NAALADL2: variants seen among roughly 807,000 people sequenced by gnomAD.
NAALADL2 encodes inactive N-acetylated-alpha-linked acidic dipeptidase-like protein 2.
A neutral mutation model predicts 87.2 loss-of-function variants in NAALADL2; 76 were observed. That is an observed-to-expected ratio of 0.87 (90% CI 0.72 to 1.05). NAALADL2 has a LOEUF of 1.05. Ranked by LOEUF, NAALADL2 falls within the 50% of genes least tolerant of loss-of-function variation. The pLI is 0.00. For missense variants in NAALADL2, 1,089 were observed against 945.8 expected (o/e 1.15, Z -1.99); for synonymous variants, 354 against 331.0 (o/e 1.07, Z -0.75).
At chr3:174,783,428 A>C (rs1716234625) in intron 3 of NAALADL2, among the ~76,000 whole-genome samples, 1 of 152,112 alleles carries the variant, frequency 6.6e-6, no homozygotes, top group South Asian at 2.1e-4. Context: ...GGGGTATTGC[A>C]CTTTGCACAG....
intron 2 of NAALADL2, among the ~76,000 whole-genome samples, chr3:175,184,259 A>G (rs1737011969): frequency 6.6e-6 from 1 of 152,096 alleles, no homozygotes; most frequent in African/African-American, 2.4e-5. Flanking sequence ...TCTCCTTTAG[A>G]GCCTCAGAAC....
intron 4 of NAALADL2, among the ~76,000 whole-genome samples, chr3:175,302,882 A>G (rs768907879): frequency 6.6e-6 from 1 of 151,692 alleles, no homozygotes; most frequent in African/African-American, 2.4e-5. Flanking sequence ...ATTTTTTCAT[A>G]AATATTTGTG....
At chr3:175,575,915 G>C in intron 9 of NAALADL2, 126 bp from the exon 10 acceptor site, 1 of 735,446 alleles carries the variant, frequency 1.4e-6, no homozygotes, top group Non-Finnish European at 2.2e-6. Context: ...CTAAGCATTT[G>C]CATTTTTAAC....
intron 8 of NAALADL2, among the ~76,000 whole-genome samples, chr3:175,469,660 C>G (rs1724586666): frequency 6.6e-6 from 1 of 151,928 alleles, no homozygotes; most frequent in Non-Finnish European, 1.5e-5. Context: ...TTGTCAGAGG[C>G]TATTGTGGAA....
intron 9 of NAALADL2, among the ~76,000 whole-genome samples, chr3:175,528,257 A>C (rs1733676195): frequency 6.6e-6 from 1 of 152,134 alleles, no homozygotes; most frequent in South Asian, 2.1e-4. Context: ...CAAACTGAAG[A>C]TCAAGGAAAG....
In NAALADL2 at chr3:175,810,511, A is replaced by G. The variant is rs1265144739; in HGVS notation, c.*7308A>G. 2.0e-5 allele frequency: 3 copies of G among 152,084 alleles called. No individual in the cohort carries two copies. The highest frequency in any genetic ancestry group is 2.0e-4 in the Admixed American group (3 of 15,230). 9.4% of individuals were successfully genotyped at this position (152,084 alleles called of 1,614,324 possible). Reference sequence around the variant, plus strand: ...TTGTACGTGAAATGTTAATGTTTAAAACACCCATTTTGAAATTATTAAATA... The same window carrying G: ...TTGTACGTGAAATGTTAATGTTTAAGACACCCATTTTGAAATTATTAAATA... On this transcript the variant is annotated 3_prime_UTR_variant, in exon 14 of 14. Transcript: ENST00000454872.
At chr3:174,693,595 C>A (rs1291509462) in intron 2 of NAALADL2, among the ~76,000 whole-genome samples, 1 of 152,032 alleles carries the variant, frequency 6.6e-6, no homozygotes, top group African/African-American at 2.4e-5. Flanking sequence ...TTTGAATTGC[C>A]TTTAAGCACG....
At chr3:175,317,409 T>C (rs1759294539) in intron 4 of NAALADL2, among the ~76,000 whole-genome samples, 1 of 151,636 alleles carries the variant, frequency 6.6e-6, no homozygotes, top group Admixed American at 6.6e-5. Context: ...ACATCACTCA[T>C]AGAACCACTT....
intron 10 of NAALADL2, among the ~76,000 whole-genome samples, chr3:175,604,463 C>A (rs1297483351): frequency 1.3e-5 from 2 of 149,956 alleles, no homozygotes. Context: ...ACCACCACGC[C>A]TGGCTAATTT....
chr3:174,456,074 G>A (rs1433878654), intron 1 of NAALADL2, among the ~76,000 whole-genome samples: 3 of 152,000 alleles, frequency 2.0e-5, no homozygotes, highest in Non-Finnish European at 2.9e-5. Context: ...CAACTGTCAA[G>A]CCAAGAGGCA....
At chr3:174,923,239 T>A (rs1201263071) in intron 1 of NAALADL2, among the ~76,000 whole-genome samples, 2 of 152,128 alleles carry the variant, frequency 1.3e-5, no homozygotes, top group African/African-American at 2.4e-5. Flanking sequence ...TTATAAAGTG[T>A]AGTTAGTAGC....
intron 3 of NAALADL2, among the ~76,000 whole-genome samples, chr3:174,808,907 A>C (rs140598895): frequency 2.4e-4 from 36 of 152,066 alleles, no homozygotes; most frequent in Admixed American, 2.0e-3. Flanking sequence ...TATGAAATCT[A>C]TCCAGACTTT....
At chr3:175,299,053 A>G (rs1179242542) in intron 4 of NAALADL2, among the ~76,000 whole-genome samples, 2 of 151,898 alleles carry the variant, frequency 1.3e-5, no homozygotes, top group Non-Finnish European at 2.9e-5. Flanking sequence ...CTTAAATACT[A>G]CAGGTTTGTC....
At chr3:175,053,747 C>T (rs184400953) in intron 1 of NAALADL2, among the ~76,000 whole-genome samples, 4 of 152,196 alleles carry the variant, frequency 2.6e-5, no homozygotes, top group African/African-American at 4.8e-5. Context: ...TAACTCCTCC[C>T]GTAAAACATG....
chr3:174,667,380 T>G (rs616356), intron 2 of NAALADL2, among the ~76,000 whole-genome samples: 122,817 of 151,798 alleles, frequency 0.81, 49,911 homozygotes, highest in East Asian at 0.93. Context: ...GAGCAGAAAG[T>G]GGGCACTTTT....
intron 2 of NAALADL2, among the ~76,000 whole-genome samples, chr3:175,205,938 A>T (rs554038035): frequency 7.9e-5 from 12 of 152,080 alleles, no homozygotes; most frequent in African/African-American, 2.9e-4. Context: ...ATAAAAAAAT[A>T]AAAAACAGTA....
chr3:174,787,607 A>ATACATATATATATATATACAC (rs1716944102), intron 3 of NAALADL2, among the ~76,000 whole-genome samples: 2 of 109,468 alleles, frequency 1.8e-5, no homozygotes, highest in African/African-American at 6.1e-5. Flanking sequence ...ATATATATAT[A>ATACATATATATATATATACAC]TATATATATA....
chr3:174,960,977 C>A (rs1342500459), intron 1 of NAALADL2, among the ~76,000 whole-genome samples: 1 of 150,922 alleles, frequency 6.6e-6, no homozygotes, highest in Non-Finnish European at 1.5e-5. Flanking sequence ...GTTGAAACTG[C>A]ATTCAGCTAT....
At chr3:175,436,918 C>G (rs2149183990) in intron 5 of NAALADL2, among the ~76,000 whole-genome samples, 1 of 96,670 alleles carries the variant, frequency 1.0e-5, no homozygotes, top group African/African-American at 4.0e-5. Flanking sequence ...GACATGAAGT[C>G]CTTGCCCATG....
Sources: allele counts gnomAD v4.1 joint callset (sites outside exome capture counted in the v4.1 genomes callset), GRCh38; gene constraint gnomAD v4.1.1; transcripts MANE v1.5; gene names NCBI Gene and HGNC (gene_info 2026-07-23, HGNC 2026-07-21).